Variants in KCNIP4 observed in about 807,000 individuals in gnomAD.
The protein encoded by KCNIP4 is potassium voltage-gated channel interacting protein 4, also known as Kv channel-interacting protein 4.
Under a neutral mutation model 34.0 loss-of-function variants are expected in KCNIP4, and 12 were observed. The observed-to-expected ratio is 0.35, with a 90% CI of 0.23 to 0.57. The LOEUF is 0.57. Ranked by LOEUF, KCNIP4 falls within the 20% of genes least tolerant of loss-of-function variation. The pLI is 0.83. For missense variants in KCNIP4, 238 were observed against 311.7 expected, an observed-to-expected ratio of 0.76 and a Z score of 1.78; for synonymous variants, 124 against 102.2, an observed-to-expected ratio of 1.21 and a Z score of -1.29.
At chr4:21,060,761 G>A (rs1424413031) in intron 1 of KCNIP4, among the ~76,000 whole-genome samples, 1 of 152,176 alleles carries the variant, frequency 6.6e-6, no homozygotes, top group African/African-American at 2.4e-5. Context: ...CAATAGCTGG[G>A]AAGAGACTCA....
intron 3 of KCNIP4, among the ~76,000 whole-genome samples, chr4:20,825,632 C>T (rs1274227354): frequency 6.6e-6 from 1 of 152,156 alleles, no homozygotes; most frequent in African/African-American, 2.4e-5. Context: ...GCTAGGCAGG[C>T]ATGACCAGCA....
chr4:21,410,447 A>G (rs1354256771), intron 1 of KCNIP4, among the ~76,000 whole-genome samples: 6 of 151,964 alleles, frequency 3.9e-5, no homozygotes, highest in African/African-American at 1.2e-4. Flanking sequence ...TTCCTGCATC[A>G]CTGTCTCTGG....
At chr4:21,329,222 T>A (rs932070451) in intron 1 of KCNIP4, among the ~76,000 whole-genome samples, 4 of 152,212 alleles carry the variant, frequency 2.6e-5, no homozygotes, top group Non-Finnish European at 5.9e-5. Context: ...TACTGACAAC[T>A]AATATACAAC....
intron 1 of KCNIP4, among the ~76,000 whole-genome samples, chr4:21,709,039 G>T (rs1398148635): frequency 6.6e-6 from 1 of 151,900 alleles, no homozygotes; most frequent in Non-Finnish European, 1.5e-5. Flanking sequence ...ATAAATATGA[G>T]TAAGCTGAAC....
At chr4:20,904,170 T>A (rs1294692400) in intron 1 of KCNIP4, among the ~76,000 whole-genome samples, 1 of 152,094 alleles carries the variant, frequency 6.6e-6, no homozygotes, top group Non-Finnish European at 1.5e-5. Flanking sequence ...TGTGTTACCC[T>A]TCTCTAATAG....
chr4:21,257,762 A>AAG (rs58418327), intron 1 of KCNIP4, among the ~76,000 whole-genome samples: 39,360 of 104,430 alleles, frequency 0.38, 5,630 homozygotes, highest in African/African-American at 0.51. Flanking sequence ...AAAAAAAAAA[A>AAG]AAAGAAAGAA....
At chr4:21,262,714 T>C (rs1761550457) in intron 1 of KCNIP4, among the ~76,000 whole-genome samples, 1 of 152,248 alleles carries the variant, frequency 6.6e-6, no homozygotes, top group Non-Finnish European at 1.5e-5. Flanking sequence ...CATCTCAGGA[T>C]CTGCTTCTGC....
intron 1 of KCNIP4, among the ~76,000 whole-genome samples, chr4:21,641,374 A>G (rs1233379624): frequency 2.0e-5 from 3 of 152,232 alleles, no homozygotes; most frequent in African/African-American, 2.4e-5. Context: ...GTCCTTTTCT[A>G]GCACATACCT....
At chr4:21,043,215 T>G (rs1742113879) in intron 1 of KCNIP4, among the ~76,000 whole-genome samples, 1 of 152,264 alleles carries the variant, frequency 6.6e-6, no homozygotes, top group Non-Finnish European at 1.5e-5. Context: ...CTCAGATTTA[T>G]GTAATGTGTA....
At chr4:21,458,318 G>T (rs917275264) in intron 1 of KCNIP4, among the ~76,000 whole-genome samples, 1 of 151,808 alleles carries the variant, frequency 6.6e-6, no homozygotes, top group South Asian at 2.1e-4. Flanking sequence ...ACAAAGGACA[G>T]GAACTCATCA....
At chr4:20,988,369 G>A (rs1220405288) in intron 1 of KCNIP4, among the ~76,000 whole-genome samples, 1 of 152,222 alleles carries the variant, frequency 6.6e-6, no homozygotes, top group Non-Finnish European at 1.5e-5. Flanking sequence ...GTGAAAGAGA[G>A]AGGGTCAGTA....
At chr4:21,010,831 C>G (rs1739000044) in intron 1 of KCNIP4, among the ~76,000 whole-genome samples, 1 of 152,126 alleles carries the variant, frequency 6.6e-6, no homozygotes, top group Non-Finnish European at 1.5e-5. Context: ...CTTTCCAAGA[C>G]TGTCTTTGCA....
At chr4:21,104,376 G>C (rs1179565729) in intron 1 of KCNIP4, among the ~76,000 whole-genome samples, 1 of 152,148 alleles carries the variant, frequency 6.6e-6, no homozygotes, top group Non-Finnish European at 1.5e-5. Context: ...GTGTCTGTTG[G>C]CTGCACAAAT....
chr4:20,867,901 G>C (rs887184260), intron 2 of KCNIP4, among the ~76,000 whole-genome samples: 5 of 151,844 alleles, frequency 3.3e-5, no homozygotes, highest in Non-Finnish European at 7.4e-5. Context: ...GAGTGGGGAG[G>C]GATAGCATTA....
At chr4:21,147,481 T>C (rs1014020084) in intron 1 of KCNIP4, among the ~76,000 whole-genome samples, 1 of 152,224 alleles carries the variant, frequency 6.6e-6, no homozygotes, top group African/African-American at 2.4e-5. Context: ...AGTAAGTGTA[T>C]TGCTCATGAA....
intron 1 of KCNIP4, among the ~76,000 whole-genome samples, chr4:21,376,215 A>AATT (rs1485096421): frequency 5.9e-5 from 9 of 152,338 alleles, no homozygotes; most frequent in Admixed American, 5.9e-4. Context: ...TAAAAAGATA[A>AATT]CACTTGCAAA....
chr4:21,096,552 A>G (rs902569862), intron 1 of KCNIP4, among the ~76,000 whole-genome samples: 8 of 152,136 alleles, frequency 5.3e-5, no homozygotes, highest in African/African-American at 1.9e-4. Context: ...AACATCAAAA[A>G]TATTATTTTT....
intron 1 of KCNIP4, among the ~76,000 whole-genome samples, chr4:21,471,775 A>G (rs559559241): frequency 1.3e-5 from 2 of 152,320 alleles, no homozygotes; most frequent in African/African-American, 4.8e-5. Flanking sequence ...AGATTCAAAA[A>G]GAATTCCTCC....
chr4:20,896,259 C>T (rs1160107972), intron 1 of KCNIP4, among the ~76,000 whole-genome samples: 1 of 152,140 alleles, frequency 6.6e-6, no homozygotes, highest in Non-Finnish European at 1.5e-5. Context: ...AACTCATTTA[C>T]ATTAGCTGCC....
Sources: gnomAD v4.1 joint callset for allele counts (sites outside exome capture counted in the v4.1 genomes callset) on GRCh38, gnomAD v4.1.1 for gene constraint, MANE v1.5 for transcripts, NCBI Gene and HGNC (gene_info 2026-07-23, HGNC 2026-07-21) for gene names.